The following ENTREP3 variants were observed in gnomAD, a reference collection of about 807,000 sequenced individuals.
ENTREP3 encodes protein ENTREP3.
At chr1:155,248,580 G>T in the ENTREP3 span, 2 of 855,612 alleles carry the variant, frequency 2.3e-6, no homozygotes, top group African/African-American at 3.4e-5. Context: ...CAGCTCCCAC[G>T]CTCCATCCCC....
At chr1:155,247,778 T>C in the ENTREP3 span, 1 of 1,460,298 alleles carries the variant, frequency 6.8e-7, no homozygotes, top group Non-Finnish European at 9.0e-7. Flanking sequence ...ACAAGAAGCC[T>C]AGGTCAGAGC....
chr1:155,248,367 C>A, the ENTREP3 span: 4 of 1,613,938 alleles, frequency 2.5e-6, no homozygotes, highest in Non-Finnish European at 3.4e-6. Flanking sequence ...GCAGCCATGC[C>A]CAATCCCCAT....
At chr1:155,254,158 T>C in the ENTREP3 span, 1 of 1,614,004 alleles carries the variant, frequency 6.2e-7, no homozygotes, top group African/African-American at 1.3e-5. The surrounding 1 kb of genome is among the most constrained non-coding windows in gnomAD (Gnocchi z 4.4). Flanking sequence ...ATGCTAAGCA[T>C]GACACAGAGC....
chr1:155,248,116 A>C, the ENTREP3 span: 1 of 1,614,142 alleles, frequency 6.2e-7, no homozygotes, highest in Non-Finnish European at 8.5e-7. Flanking sequence ...GGAGGAAACG[A>C]GTGACCAGGC....
chr1:155,250,578 G>T, the ENTREP3 span: 1 of 1,602,666 alleles, frequency 6.2e-7, no homozygotes, highest in Non-Finnish European at 8.5e-7. The surrounding 1 kb of genome is among the most constrained non-coding windows in gnomAD (Gnocchi z 5.4). Context: ...GGCAGAGCAG[G>T]AATAGGAGCG....
the ENTREP3 span, chr1:155,250,796 C>T: frequency 1.2e-6 from 2 of 1,608,272 alleles, no homozygotes; most frequent in Non-Finnish European, 1.7e-6. The surrounding 1 kb of genome is among the most constrained non-coding windows in gnomAD (Gnocchi z 5.4). Flanking sequence ...TGGCTGACAG[C>T]ACCAGAGACC....
At chr1:155,254,913 T>G in the ENTREP3 span, 1 of 1,509,440 alleles carries the variant, frequency 6.6e-7, no homozygotes. The surrounding 1 kb of genome is among the most constrained non-coding windows in gnomAD (Gnocchi z 4.4). Context: ...CGCTCGGCCC[T>G]CCCTGGCACT....
chr1:155,251,723 C>G, the ENTREP3 span: 2 of 1,612,862 alleles, frequency 1.2e-6, no homozygotes, highest in Admixed American at 3.4e-5. Context: ...AAGACCCCAC[C>G]AGGCCTTACC....
chr1:155,252,246 G>A, the ENTREP3 span, among the ~76,000 whole-genome samples: 1 of 151,556 alleles, frequency 6.6e-6, no homozygotes, highest in Admixed American at 6.6e-5. Context: ...CTCTGTTGCT[G>A]GAGTGCAGTG....
the ENTREP3 span, chr1:155,252,711 T>G: frequency 1.8e-5 from 1 of 56,038 alleles, no homozygotes; most frequent in Non-Finnish European, 3.3e-5. Flanking sequence ...TATATATATA[T>G]ATATATATAT....
chr1:155,248,763 G>A, the ENTREP3 span, among the ~76,000 whole-genome samples: 4 of 151,792 alleles, frequency 2.6e-5, no homozygotes, highest in South Asian at 2.1e-4. Flanking sequence ...TGCCCAGGCC[G>A]GAGTGCAGTG....
chr1:155,254,196 T>G, the ENTREP3 span: 7 of 1,611,078 alleles, frequency 4.3e-6, no homozygotes, highest in African/African-American at 1.3e-5. This position sits in a 1 kb window ranked among gnomAD's most constrained non-coding sequence, Gnocchi z 4.4. Flanking sequence ...GAAGGAGATC[T>G]GGGGAAAACA....
At chr1:155,250,327 G>A in the ENTREP3 span, 1 of 1,547,754 alleles carries the variant, frequency 6.5e-7, no homozygotes, top group Non-Finnish European at 8.7e-7. This position sits in a 1 kb window ranked among gnomAD's most constrained non-coding sequence, Gnocchi z 5.4. Flanking sequence ...CGTGGCAGCA[G>A]CAGCGGTGGT....
the ENTREP3 span, chr1:155,250,893 T>C: frequency 6.8e-7 from 1 of 1,460,706 alleles, no homozygotes; most frequent in African/African-American, 1.4e-5. This position sits in a 1 kb window ranked among gnomAD's most constrained non-coding sequence, Gnocchi z 5.4. Context: ...GTTCCTCTTC[T>C]CCCAAGCCCA....
the ENTREP3 span, chr1:155,251,434 C>A: frequency 8.8e-7 from 1 of 1,130,864 alleles, no homozygotes. Flanking sequence ...CCAGAGGCTA[C>A]AGCCTGTTCA....
chr1:155,250,234 C>T, the ENTREP3 span: 2 of 1,517,970 alleles, frequency 1.3e-6, no homozygotes, highest in East Asian at 2.5e-5. This position sits in a 1 kb window ranked among gnomAD's most constrained non-coding sequence, Gnocchi z 5.4. Context: ...ACTCCCAGTG[C>T]CTACCCTCTC....
the ENTREP3 span, chr1:155,253,727 C>T: frequency 3.7e-6 from 6 of 1,609,000 alleles, no homozygotes; most frequent in Admixed American, 1.7e-5. Context: ...CGCTGAAGAG[C>T]AGGTTCTGGG....
chr1:155,254,809 G>A, the ENTREP3 span: 4 of 1,610,692 alleles, frequency 2.5e-6, no homozygotes, highest in African/African-American at 1.3e-5. This position sits in a 1 kb window ranked among gnomAD's most constrained non-coding sequence, Gnocchi z 4.4. Flanking sequence ...GGAGGCGGAG[G>A]TGGGTAAGGC....
At chr1:155,248,494 G>A in the ENTREP3 span, 139 of 1,609,546 alleles carry the variant, frequency 8.6e-5, no homozygotes, top group Non-Finnish European at 1.1e-4. Flanking sequence ...GAGAGAAAGG[G>A]AGACAGGGAG....
Sources: allele counts gnomAD v4.1 joint callset (sites outside exome capture counted in the v4.1 genomes callset), GRCh38; gene constraint gnomAD v4.1.1; non-coding constraint Gnocchi (gnomAD v3.1); transcripts MANE v1.5; gene names NCBI Gene and HGNC (gene_info 2026-07-23, HGNC 2026-07-21).